MBNL2: variants seen among roughly 807,000 people sequenced by gnomAD.
The protein encoded by MBNL2 is muscleblind like splicing regulator 2.
MBNL2 carries 17 observed loss-of-function variants against 41.9 expected under a neutral mutation model. That is an observed-to-expected ratio of 0.41 (90% CI 0.28 to 0.61). The LOEUF (loss-of-function observed/expected upper bound fraction) is 0.61. Among genes scored for constraint, MBNL2 ranks in the 20% least tolerant of loss-of-function variants. MBNL2 has a pLI of 0.35. For missense variants in MBNL2, 336 were observed against 505.6 expected (o/e 0.66, Z 3.22); for synonymous variants, 195 against 182.9 (o/e 1.07, Z -0.53).
chr13:97,391,586 T>A lies in MBNL2; in HGVS notation c.*137T>A. 3 of 644,022 alleles carry A rather than the reference T, an allele frequency of 4.7e-6. No homozygotes were observed. In the South Asian group the frequency reaches 5.7e-5, roughly 12 times the overall value. The allele number at this position is 644,022 out of a possible 1,614,324, so 39.9% of individuals were successfully genotyped here. A position where few individuals can be genotyped will look rare whatever the true frequency, so the allele number is the denominator to read the frequency against. ...ACTACCTGAGACCAGCTGTGATGTT[T>A]AAAGACATAAAGGATAAAGTTTACT... On this transcript the variant is annotated 3_prime_UTR_variant, in exon 9 of 9. Coordinates refer to ENST00000679496, the MANE Select transcript of MBNL2 (RefSeq NM_001382683.1).
chr13:97,243,700 C>A (rs2044800876), intron 1 of MBNL2, among the ~76,000 whole-genome samples: 1 of 152,190 alleles, frequency 6.6e-6, no homozygotes, highest in South Asian at 2.1e-4. Flanking sequence ...GTTTCTTTTT[C>A]TTTTCTCTTT....
chr13:97,184,671 C>T, the MBNL2 span, among the ~76,000 whole-genome samples: 42 of 152,208 alleles, frequency 2.8e-4, no homozygotes, highest in Non-Finnish European at 2.2e-4. Flanking sequence ...TTAGTAGGAA[C>T]GGGGTTTTGC....
At chr13:97,283,766 A>T (rs1188071196) in intron 2 of MBNL2, among the ~76,000 whole-genome samples, 1 of 152,224 alleles carries the variant, frequency 6.6e-6, no homozygotes, top group African/African-American at 2.4e-5. Flanking sequence ...CAGAGTCAAG[A>T]GTAGCACCAA....
intron 8 of MBNL2, among the ~76,000 whole-genome samples, chr13:97,375,429 T>C (rs1285740227): frequency 6.6e-6 from 1 of 152,210 alleles, no homozygotes; most frequent in Non-Finnish European, 1.5e-5. Flanking sequence ...GCCTCATCCC[T>C]GAAGTGTCAT....
chr13:97,362,037 G>A (rs2063454108), intron 7 of MBNL2, among the ~76,000 whole-genome samples: 1 of 151,996 alleles, frequency 6.6e-6, no homozygotes, highest in African/African-American at 2.4e-5. Context: ...CTCCCAAAGT[G>A]CTGGGATTAC....
chr13:97,373,845 A>G (rs1484548335), intron 8 of MBNL2, among the ~76,000 whole-genome samples: 1 of 152,056 alleles, frequency 6.6e-6, no homozygotes, highest in Non-Finnish European at 1.5e-5. Context: ...AGGCTCAGTT[A>G]TGTAAGTGTT....
intron 2 of MBNL2, among the ~76,000 whole-genome samples, chr13:97,328,160 G>T (rs922528931): frequency 6.7e-6 from 1 of 150,210 alleles, no homozygotes; most frequent in Non-Finnish European, 1.5e-5. Flanking sequence ...GTTCTGAGAC[G>T]GTTTCCTTAA....
At chr13:97,324,707 T>C (rs2059776738) in intron 2 of MBNL2, among the ~76,000 whole-genome samples, 2 of 151,952 alleles carry the variant, frequency 1.3e-5, no homozygotes, top group South Asian at 4.2e-4. Context: ...TCCCAAAACC[T>C]CAAAAGTAGG....
chr13:97,378,741 G>C (rs1431903929), intron 8 of MBNL2, among the ~76,000 whole-genome samples: 2 of 152,038 alleles, frequency 1.3e-5, no homozygotes, highest in South Asian at 4.1e-4. Flanking sequence ...TTATTTGAAT[G>C]TCTATTTAAA....
chr13:97,224,001 G>A (rs935606747), intron 1 of MBNL2, among the ~76,000 whole-genome samples: 1 of 152,094 alleles, frequency 6.6e-6, no homozygotes, highest in Non-Finnish European at 1.5e-5. Flanking sequence ...TTATATTTTC[G>A]CCTGTCTTTT....
In MBNL2 at chr13:97,362,572, A is replaced by G. The variant is rs572149008; in HGVS notation, c.1013-2564A>G. Among the ~76,000 whole-genome samples, 4 of 152,258 alleles carry G rather than the reference A, an allele frequency of 2.6e-5. No homozygotes were observed. The East Asian group carries it at 5.8e-4, about 22-fold the overall frequency. ...AAAGAAAAATTAATCTGTCTGGAGCATGGTGCCAGGGAGGTGTAAGATGGC... is the reference window on the plus strand; with the variant it reads ...AAAGAAAAATTAATCTGTCTGGAGCGTGGTGCCAGGGAGGTGTAAGATGGC... On this transcript the variant is annotated intron_variant, in intron 7 of 8. Transcript: ENST00000679496.
intron 2 of MBNL2, among the ~76,000 whole-genome samples, chr13:97,312,173 T>G (rs922147258): frequency 2.0e-5 from 3 of 152,200 alleles, no homozygotes; most frequent in South Asian, 2.1e-4. Context: ...CAACAGTTGC[T>G]CCAGCCTTTG....
chr13:97,311,824 C>T (rs1256406634), intron 2 of MBNL2, among the ~76,000 whole-genome samples: 1 of 152,198 alleles, frequency 6.6e-6, no homozygotes, highest in Admixed American at 6.5e-5. Flanking sequence ...TTAGCAGCCT[C>T]CTAAGCCTCC....
intron 8 of MBNL2, among the ~76,000 whole-genome samples, chr13:97,382,669 A>G (rs191679619): frequency 3.3e-4 from 49 of 147,756 alleles, no homozygotes; most frequent in Admixed American, 4.7e-4. Flanking sequence ...TCATCTGCCA[A>G]CTATTTTTTT....
chr13:97,260,617 A>G (rs2048435004), intron 1 of MBNL2, among the ~76,000 whole-genome samples: 1 of 152,244 alleles, frequency 6.6e-6, no homozygotes, highest in Admixed American at 6.5e-5. Flanking sequence ...GGCATCTGCC[A>G]TTGGATCAGA....
chr13:97,380,640 A>G (rs1033611052), intron 8 of MBNL2, among the ~76,000 whole-genome samples: 2 of 152,154 alleles, frequency 1.3e-5, no homozygotes, highest in Non-Finnish European at 2.9e-5. Context: ...ATGTACAAAT[A>G]ATTACAGTCA....
intron 1 of MBNL2, among the ~76,000 whole-genome samples, chr13:97,246,002 T>C (rs2045390222): frequency 6.6e-6 from 1 of 152,140 alleles, no homozygotes; most frequent in Admixed American, 6.5e-5. Flanking sequence ...AATTTAATGC[T>C]CCCAGCTACC....
At chr13:97,174,845 A>G in the MBNL2 span, among the ~76,000 whole-genome samples, 5 of 149,808 alleles carry the variant, frequency 3.3e-5, no homozygotes, top group Admixed American at 6.7e-5. Context: ...ACTACCCTGG[A>G]AAAAAAAAAG....
chr13:97,257,982 T>C (rs1411156495), intron 1 of MBNL2, among the ~76,000 whole-genome samples: 2 of 152,148 alleles, frequency 1.3e-5, no homozygotes, highest in Non-Finnish European at 2.9e-5. Context: ...TGACCTTGCT[T>C]AGAAATGATG....
Sources: gnomAD v4.1 joint callset for allele counts (sites outside exome capture counted in the v4.1 genomes callset) on GRCh38, gnomAD v4.1.1 for gene constraint, MANE v1.5 for transcripts, NCBI Gene and HGNC (gene_info 2026-07-23, HGNC 2026-07-21) for gene names.